SH2B2: variants seen among roughly 807,000 people sequenced by gnomAD.
SH2B2 encodes the protein SH2B adapter protein 2.
A neutral mutation model predicts 35.7 loss-of-function variants in SH2B2; 37 were observed. The observed-to-expected ratio is 1.04, with a 90% CI of 0.80 to 1.36. The LOEUF (loss-of-function observed/expected upper bound fraction) is 1.36, where lower values mean the gene tolerates loss of function less well. Ranked by LOEUF, SH2B2 falls within the 40% of genes most tolerant of loss-of-function variation. SH2B2 has a pLI of 0.00. For missense variants in SH2B2, 852 were observed against 817.7 expected (o/e 1.04, Z -0.51); for synonymous variants, 383 against 376.4 (o/e 1.02, Z -0.20).
rs79356898 is a variant in SH2B2, at chr7:102,319,364, G to A, written c.1396-967G>A. Among the ~76,000 whole-genome samples, 1,333 of 152,288 alleles carry A rather than the reference G, an allele frequency of 8.8e-3. 48 individuals carry two copies. Among genetic ancestry groups the A allele is most frequent in the East Asian group, 0.065 (335 of 5,166 alleles). On this transcript the variant is annotated intron_variant, in intron 7 of 8. Coordinates refer to ENST00000444095, the MANE Select transcript of SH2B2 (RefSeq NM_001359228.2). ...TTCTGCTAAGTGGCAGAGCTCACTT[G>A]TGGGACCGCCACCCCGCTCCAGGGA...
intron 2 of SH2B2, among the ~76,000 whole-genome samples, chr7:102,305,893 CTTT>C (rs1292537190): frequency 9.3e-6 from 1 of 107,288 alleles, no homozygotes; most frequent in Admixed American, 9.6e-5. Flanking sequence ...TTTTTTTTTT[CTTT>C]TTTTTTTTTT....
chr7:102,295,880 T>C (rs1792893397), intron 1 of SH2B2, among the ~76,000 whole-genome samples: 3 of 152,034 alleles, frequency 2.0e-5, no homozygotes, highest in Admixed American at 2.0e-4. Context: ...CTTCGTGAAC[T>C]CTAACCACCA....
intron 4 of SH2B2, among the ~76,000 whole-genome samples, chr7:102,312,075 CAAA>C (rs35504215): frequency 1.1e-5 from 1 of 93,280 alleles, no homozygotes; most frequent in Non-Finnish European, 2.2e-5. Flanking sequence ...GACTCAGTCT[CAAA>C]AAAAAAAAAA....
chr7:102,319,203 A>T (rs1209569192), intron 7 of SH2B2, among the ~76,000 whole-genome samples: 1 of 152,172 alleles, frequency 6.6e-6, no homozygotes, highest in African/African-American at 2.4e-5. Flanking sequence ...GAAGATTGGG[A>T]TGCGTCCAAC....
At chr7:102,303,438 C>G (rs957287269) in intron 2 of SH2B2, among the ~76,000 whole-genome samples, 2 of 152,216 alleles carry the variant, frequency 1.3e-5, no homozygotes, top group Non-Finnish European at 2.9e-5. Flanking sequence ...AGTCACCCGC[C>G]GCTTCTTGGC....
chr7:102,317,775 G>T (rs948074608), intron 7 of SH2B2, among the ~76,000 whole-genome samples: 1 of 152,150 alleles, frequency 6.6e-6, no homozygotes, highest in Non-Finnish European at 1.5e-5. Flanking sequence ...CCCAGTGGGG[G>T]GTGGGAGCCA....
chr7:102,294,173 G>A (rs575086425), intron 1 of SH2B2, among the ~76,000 whole-genome samples: 1 of 152,170 alleles, frequency 6.6e-6, no homozygotes, highest in Middle Eastern at 3.4e-3. Context: ...GACTACAGGC[G>A]TGTGCCACCA....
chr7:102,288,271 G>A (rs782442148), intron 1 of SH2B2, among the ~76,000 whole-genome samples: 1 of 152,064 alleles, frequency 6.6e-6, no homozygotes, highest in Non-Finnish European at 1.5e-5. Flanking sequence ...GGTTGGGAGA[G>A]TGACCTAGAA....
Position 102,320,353 on chromosome 7 carries a change from G to T in SH2B2, c.1418G>T (p.Gly473Val). 1 of 1,612,146 alleles carries T rather than the reference G, an allele frequency of 6.2e-7. No homozygotes were observed. ...CAGCACCTGCGCCTGTCCCTGAACG[G>T]CCACGGCCAGTGTCACGTACAGCAT... Reference protein sequence around the residue: ...KAKHLRLSLNGHGQCHVQHLW... With the variant: ...KAKHLRLSLNVHGQCHVQHLW... Residue 473 changes from glycine to valine, a missense_variant, in exon 8 of 9, where the codon GGC (glycine) becomes GTC (valine). This residue lies in a region of SH2B2 where 556 missense variants were observed against 514.5 expected (regional missense o/e 1.08). Coordinates refer to ENST00000444095, the MANE Select transcript of SH2B2 (RefSeq NM_001359228.2).
intron 1 of SH2B2, among the ~76,000 whole-genome samples, chr7:102,295,221 G>C (rs1300510383): frequency 6.6e-6 from 1 of 152,186 alleles, no homozygotes; most frequent in African/African-American, 2.4e-5. Context: ...GCCCCATGTG[G>C]GGGCATAATC....
At chr7:102,294,780 G>A (rs951671192) in intron 1 of SH2B2, among the ~76,000 whole-genome samples, 1 of 152,166 alleles carries the variant, frequency 6.6e-6, no homozygotes, top group Non-Finnish European at 1.5e-5. Flanking sequence ...TAGCCAGGTG[G>A]GGGCCTCCCT....
chr7:102,286,179 C>G (rs1792436611), upstream of SH2B2, among the ~76,000 whole-genome samples: 1 of 152,250 alleles, frequency 6.6e-6, no homozygotes, highest in Non-Finnish European at 1.5e-5. Flanking sequence ...CATCAGGCCC[C>G]CATCACAGCG....
At chr7:102,305,184 G>A (rs1022944217) in intron 2 of SH2B2, among the ~76,000 whole-genome samples, 7 of 152,332 alleles carry the variant, frequency 4.6e-5, no homozygotes, top group Admixed American at 2.6e-4. Flanking sequence ...CTGGAAGGTC[G>A]GGTCTGTAGT....
Position 102,320,369 on chromosome 7 carries a change from C to G in SH2B2, c.1434C>G (p.His478Gln), listed in dbSNP as rs782442654. Residue 478 changes from histidine to glutamine, a missense_variant, in exon 8 of 9, where the codon CAC becomes CAG. Physicochemically the swap from His to Gln is conservative, Grantham distance 24. Transcript: ENST00000444095. ...CCCTGAACGGCCACGGCCAGTGTCACGTACAGCATCTGTGGTTCCAGTCTG... is the reference window on the plus strand; with the variant it reads ...CCCTGAACGGCCACGGCCAGTGTCAGGTACAGCATCTGTGGTTCCAGTCTG... ...RLSLNGHGQC[H>Q]VQHLWFQSVL... 8 of 1,613,234 alleles carry G rather than the reference C, an allele frequency of 5.0e-6. No individual in the cohort carries two copies. Among genetic ancestry groups the G allele is most frequent in the Non-Finnish European group, 6.8e-6 (8 of 1,179,866 alleles).
Position 102,301,496 on chromosome 7 carries a change from T to A in SH2B2, c.729+217T>A, listed in dbSNP as rs143299436. On this transcript the variant is annotated intron_variant, in intron 2 of 8. Coordinates refer to ENST00000444095, the MANE Select transcript of SH2B2 (RefSeq NM_001359228.2). ...TCTTCCTTTGCGAGGAAGGGTCCTC[T>A]GGCTACACCAAAGGGTTCTGGGGCA... Among the ~76,000 whole-genome samples the A allele has an allele frequency of 7.6e-3, 1,162 of 152,232 alleles. 22 individuals are homozygous for A. Among genetic ancestry groups the A allele is most frequent in the African/African-American group, 0.026 (1,094 of 41,534 alleles).
At chr7:102,316,150 G>A (rs1318146211) in intron 6 of SH2B2, among the ~76,000 whole-genome samples, 2 of 152,056 alleles carry the variant, frequency 1.3e-5, no homozygotes, top group African/African-American at 4.8e-5. Context: ...TGTGGCACAG[G>A]CTTATAGTCC....
chr7:102,290,517 G>A (rs565035332), intron 1 of SH2B2, among the ~76,000 whole-genome samples: 4 of 151,990 alleles, frequency 2.6e-5, no homozygotes, highest in East Asian at 1.9e-4. Flanking sequence ...CGCCCTCCTC[G>A]GCCTCCCAAA....
At chr7:102,320,554 A>G in intron 8 of SH2B2, 52 bp downstream of exon 8, 1 of 1,573,710 alleles carries the variant, frequency 6.4e-7, no homozygotes, top group Non-Finnish European at 8.6e-7. Context: ...CTTCCCGTTG[A>G]TTACTCAAGA....
chr7:102,317,154 C>T, intron 6 of SH2B2, 33 bp from the exon 7 acceptor site: 1 of 1,522,694 alleles, frequency 6.6e-7, no homozygotes, highest in African/African-American at 1.4e-5. Context: ...TCTCCTTCCC[C>T]CCATGTTCCT....
Sources: gnomAD v4.1 joint callset for allele counts (sites outside exome capture counted in the v4.1 genomes callset) on GRCh38, gnomAD v4.1.1 for gene constraint, gnomAD v4.1.1 regional missense constraint, MANE v1.5 for transcripts, NCBI Gene and HGNC (gene_info 2026-07-23, HGNC 2026-07-21) for gene names.